The following ACAN variants were observed in gnomAD, a reference collection of about 807,000 sequenced individuals.
ACAN encodes the protein aggrecan core protein.
A neutral mutation model predicts 169.1 loss-of-function variants in ACAN; 47 were observed. That is an observed-to-expected ratio of 0.28 (90% CI 0.22 to 0.35). The LOEUF (loss-of-function observed/expected upper bound fraction) is 0.35, where lower values mean the gene tolerates loss of function less well. Ranked by LOEUF, ACAN falls within the 10% of genes least tolerant of loss-of-function variation. The pLI is 1.00. For synonymous variants in ACAN, 1,115 were observed against 1,112.2 expected (o/e 1.00, Z -0.05); for missense variants, 2,716 against 2,759.9 (o/e 0.98, Z 0.36).
rs768504322 is a variant in ACAN, at chr15:88,843,511, G to A, written c.914G>A (p.Arg305His). 2.8e-5 allele frequency: 45 copies of A among 1,612,286 alleles called. No homozygotes were observed. The highest frequency in any genetic ancestry group is 2.5e-4 in the East Asian group (11 of 44,868). Residue 305 changes from arginine to histidine, a missense_variant, in exon 6 of 19, where the codon CGC (arginine) becomes CAC (histidine). By Grantham distance (29) the Arg-to-His change is conservative. Transcript: ENST00000560601. The surrounding 1 kb of genome is among the most constrained non-coding windows in gnomAD (Gnocchi z 4.0). The stretch of plus-strand genomic sequence containing the variant: ...TGCAGCGCCGGCTGGCTGGCCGACC[G>A]CAGCGTGCGCTACCCCATCTCCAAG... The part of the protein sequence containing the change: ...DMCSAGWLAD[R>H]SVRYPISKAR...
At chr15:88,841,896 C>T (rs775230293) in intron 5 of ACAN, 29 bp downstream of exon 5, 15 of 1,612,130 alleles carry the variant, frequency 9.3e-6, no homozygotes, top group Non-Finnish European at 1.7e-6. Flanking sequence ...CAGGAGGCAC[C>T]CAGCTCCCTT....
At chr15:88,808,570 C>T (rs550204615) in intron 1 of ACAN, among the ~76,000 whole-genome samples, 3 of 152,296 alleles carry the variant, frequency 2.0e-5, no homozygotes, top group South Asian at 2.1e-4. Context: ...GCCCTCCTTC[C>T]CCGGGGAACA....
At position 88,866,168 on chromosome 15, in the gene ACAN, G is replaced by T. The variant is rs1897277668; in HGVS notation, c.6947-2048G>T. On this transcript the variant is annotated intron_variant, in intron 13 of 18. Coordinates refer to ENST00000560601, the MANE Select transcript of ACAN (RefSeq NM_001369268.1). This position sits in a 1 kb window ranked among gnomAD's most constrained non-coding sequence, Gnocchi z 5.6. ...ATGCGACCAGCCTCTGAGACAACTG[G>T]ATACCCCCCAGCCTGACCTCCGCTG... Among the ~76,000 whole-genome samples the T allele has an allele frequency of 6.6e-6, 1 of 152,100 alleles. No individual in the cohort carries two copies. The highest frequency in any genetic ancestry group is 1.5e-5 in the Non-Finnish European group (1 of 68,018).
chr15:88,864,607 A>G (rs1191376810), intron 13 of ACAN, among the ~76,000 whole-genome samples: 1 of 152,200 alleles, frequency 6.6e-6, no homozygotes, highest in African/African-American at 2.4e-5. Flanking sequence ...GCAAATTAGG[A>G]CTGGTGAATA....
intron 1 of ACAN, among the ~76,000 whole-genome samples, chr15:88,809,468 G>A (rs549131063): frequency 7.2e-5 from 11 of 152,324 alleles, no homozygotes; most frequent in African/African-American, 2.6e-4. Context: ...GGGGTGCCTT[G>A]AAGCCGATGC....
rs775273821 is a variant in ACAN at position 88,873,944 on chromosome 15, G to T, written c.7550G>T (p.Gly2517Val). 5 of 1,613,476 alleles carry T rather than the reference G, an allele frequency of 3.1e-6. No individual in the cohort carries two copies. The Admixed American group carries it at 5.0e-5, about 16-fold the overall frequency. ...NSLVRYQCTEGFVQRHMPTIR... is the reference protein window; with the variant it reads ...NSLVRYQCTEVFVQRHMPTIR... ...CTGGTGCGGTACCAGTGCACAGAGG[G>T]GTTTGTCCAGCGCCACATGCCCACC... Residue 2517 changes from glycine (G) to valine (V), a missense_variant, in exon 18 of 19, where the codon GGG (glycine) becomes GTG (valine). Gly to Val is a moderately radical substitution (Grantham distance 109). This residue lies in a region of ACAN where 1,389 missense variants were observed against 1,363.7 expected (regional missense o/e 1.02). Coordinates refer to ENST00000560601, the MANE Select transcript of ACAN (RefSeq NM_001369268.1). The surrounding 1 kb of genome is among the most constrained non-coding windows in gnomAD (Gnocchi z 7.5).
In ACAN at chr15:88,863,452, T is replaced by C. The variant is rs139311544; in HGVS notation, c.6946+3013T>C. 3.2e-4 allele frequency among the ~76,000 whole-genome samples: 49 copies of C among 152,330 alleles called. 1 individual carries two copies. In the East Asian group the frequency reaches 6.0e-3, roughly 19 times the overall value. On this transcript the variant is annotated intron_variant, in intron 13 of 18. Transcript: ENST00000560601. ...ATTGGTCTAAAGAGGAACTTCAGCATTGGTATTTTTAAAAAATCTTTAAAT... is the reference window on the plus strand; with the variant it reads ...ATTGGTCTAAAGAGGAACTTCAGCACTGGTATTTTTAAAAAATCTTTAAAT...
rs1278716086 is a variant in ACAN at position 88,849,349 on chromosome 15, G to C, written c.1733-89G>C. 1.5e-6 allele frequency: 2 copies of C among 1,313,992 alleles called. No individual in the cohort carries two copies. The highest frequency in any genetic ancestry group is 3.0e-5 in the African/African-American group (2 of 67,364). The allele number at this position is 1,313,992 out of a possible 1,614,324, so 81.4% of individuals were successfully genotyped here. ...GGCTGGGTCTTAGCCCTGGTGAGGAGGGTTAGAGGAACTCTGTCCTGGGTG... is the reference window on the plus strand; with the variant it reads ...GGCTGGGTCTTAGCCCTGGTGAGGACGGTTAGAGGAACTCTGTCCTGGGTG... On this transcript the variant is annotated intron_variant, in intron 9 of 18. Transcript: ENST00000560601. This position sits in a 1 kb window ranked among gnomAD's most constrained non-coding sequence, Gnocchi z 5.1.
Position 88,861,830 on chromosome 15 carries a change from C to T in ACAN, c.6946+1391C>T, listed in dbSNP as rs1018612346. On this transcript the variant is annotated intron_variant, in intron 13 of 18. Coordinates refer to ENST00000560601, the MANE Select transcript of ACAN (RefSeq NM_001369268.1). This position sits in a 1 kb window ranked among gnomAD's most constrained non-coding sequence, Gnocchi z 6.3. Reference sequence around the variant, plus strand: ...AAGCAAGGCTCATGTTCTTGGCAGCCCTGAAATTAATAGGAGTAAGTGTCA... The same window carrying T: ...AAGCAAGGCTCATGTTCTTGGCAGCTCTGAAATTAATAGGAGTAAGTGTCA... 6.6e-6 allele frequency among the ~76,000 whole-genome samples: 1 copy of T among 152,030 alleles called. No homozygotes were observed. Among genetic ancestry groups the T allele is most frequent in the African/African-American group, 2.4e-5 (1 of 41,382 alleles).
rs531396192 is a variant in ACAN at position 88,866,041 on chromosome 15, C to T, written c.6947-2175C>T. ...AAATTCTGAGCCCCGGAATTTGTTCCTTCAGTCCCCGCAGCCTTCTCAGAT... is the reference window on the plus strand; with the variant it reads ...AAATTCTGAGCCCCGGAATTTGTTCTTTCAGTCCCCGCAGCCTTCTCAGAT... On this transcript the variant is annotated intron_variant, in intron 13 of 18. Coordinates refer to ENST00000560601, the MANE Select transcript of ACAN (RefSeq NM_001369268.1). The surrounding 1 kb of genome is among the most constrained non-coding windows in gnomAD (Gnocchi z 5.6). 1.4e-4 allele frequency among the ~76,000 whole-genome samples: 22 copies of T among 152,240 alleles called. No individual in the cohort carries two copies. Among genetic ancestry groups the T allele is most frequent in the African/African-American group, 5.1e-4 (21 of 41,546 alleles).
Position 88,872,175 on chromosome 15 carries a change from G to A in ACAN, c.7302+90G>A. On this transcript the variant is annotated intron_variant, in intron 16 of 18. Transcript: ENST00000560601. This position sits in a 1 kb window ranked among gnomAD's most constrained non-coding sequence, Gnocchi z 5.4. ...GAGAGATGCATTCAAACCCCATGCA[G>A]ACAGCCGCTTACCAGCTGCTGGACC... is the stretch of plus-strand genomic sequence containing the variant. 2 of 1,134,488 alleles carry A rather than the reference G, an allele frequency of 1.8e-6. No individual in the cohort carries two copies. Among genetic ancestry groups the A allele is most frequent in the Non-Finnish European group, 2.6e-6 (2 of 755,706 alleles). The allele number at this position is 1,134,488 out of a possible 1,614,324, so 70.3% of individuals were successfully genotyped here.
intron 1 of ACAN, among the ~76,000 whole-genome samples, chr15:88,811,901 G>A (rs1457187134): frequency 6.6e-6 from 1 of 152,116 alleles, no homozygotes; most frequent in African/African-American, 2.4e-5. Flanking sequence ...CCAGCCAGGT[G>A]CTTTGTTCTC....
In ACAN at chr15:88,845,633, C is replaced by T. The variant is rs1436156457; in HGVS notation, c.1180C>T (p.Arg394Ter). The T allele has an allele frequency of 6.2e-7, 1 of 1,614,064 alleles. No individual in the cohort carries two copies. Among genetic ancestry groups the T allele is most frequent in the Non-Finnish European group, 8.5e-7 (1 of 1,179,906 alleles). Reference sequence around the variant, plus strand: ...TCGAAACATCACTGAGGGTGAAGCCCGAGGCAGCGTGATCCTTACCGTAAA... The same window carrying T: ...TCGAAACATCACTGAGGGTGAAGCCTGAGGCAGCGTGATCCTTACCGTAAA... ...LPRNITEGEA[R>*]GSVILTVKPI... Residue 394 changes from arginine to a stop codon, truncating the protein, a stop_gained, in exon 7 of 19, where the codon CGA (arginine) becomes TGA (stop). Transcript: ENST00000560601. LOFTEE classifies it high-confidence loss of function.
intron 6 of ACAN, among the ~76,000 whole-genome samples, chr15:88,844,265 A>T (rs575937515): frequency 1.2e-4 from 18 of 148,304 alleles, no homozygotes; most frequent in African/African-American, 4.2e-4. Context: ...CTCCCATGCA[A>T]CTGGGAATAC....
intron 9 of ACAN, among the ~76,000 whole-genome samples, chr15:88,848,646 T>G (rs1896854743): frequency 1.3e-5 from 2 of 152,238 alleles, no homozygotes; most frequent in South Asian, 4.1e-4. Context: ...AGACCTTTAT[T>G]TTGTTTTATT....
chr15:88,849,575 G>A lies in ACAN; in HGVS notation c.1870G>A (p.Ala624Thr), dbSNP rs1209512221. 2 of 1,608,006 alleles carry A rather than the reference G, an allele frequency of 1.2e-6. No individual in the cohort carries two copies. Among genetic ancestry groups the A allele is most frequent in the East Asian group, 2.2e-5 (1 of 44,586 alleles). The part of the protein sequence containing the change: ...AWSRGLDKCY[A>T]GWLADGSLRY... ...GAGCCGCGGCCTGGACAAGTGCTATGCCGGCTGGCTGGCCGACGGCAGCCT... is the reference window on the plus strand; with the variant it reads ...GAGCCGCGGCCTGGACAAGTGCTATACCGGCTGGCTGGCCGACGGCAGCCT... Residue 624 changes from alanine (A) to threonine (T), a missense_variant, in exon 10 of 19, where the codon GCC becomes ACC. Ala to Thr is a moderately conservative substitution (Grantham distance 58). Coordinates refer to ENST00000560601, the MANE Select transcript of ACAN (RefSeq NM_001369268.1). The surrounding 1 kb of genome is among the most constrained non-coding windows in gnomAD (Gnocchi z 5.1).
chr15:88,810,232 G>A (rs1225577173), intron 1 of ACAN, among the ~76,000 whole-genome samples: 4 of 152,050 alleles, frequency 2.6e-5, no homozygotes, highest in Non-Finnish European at 5.9e-5. Context: ...CAGCAATGCT[G>A]TGACATCCAA....
In ACAN at chr15:88,807,169, G is replaced by C. The variant is rs1389596201; in HGVS notation, c.-8+3360G>C. Among the ~76,000 whole-genome samples the C allele has an allele frequency of 2.6e-5, 4 of 152,138 alleles. No homozygotes were observed. Among genetic ancestry groups the C allele is most frequent in the Non-Finnish European group, 5.9e-5 (4 of 68,018 alleles). On this transcript the variant is annotated intron_variant, in intron 1 of 18. Transcript: ENST00000560601. The surrounding 1 kb of genome is among the most constrained non-coding windows in gnomAD (Gnocchi z 4.0). ...AGTGCTGGGGAGTCAAGGCAGCTGA[G>C]GTGGAAGCTGGAGTTGGGGAAAGGC...
In ACAN at chr15:88,843,325, C is replaced by T. The variant is rs1444842653; in HGVS notation, c.758-30C>T. The stretch of plus-strand genomic sequence containing the variant: ...CAGAGCAGGGGGAGGGGGGAGAAGA[C>T]CCTTACCCAGCTGGCTGTGTCCTTC... On this transcript the variant is annotated intron_variant, in intron 5 of 18. Coordinates refer to ENST00000560601, the MANE Select transcript of ACAN (RefSeq NM_001369268.1). The surrounding 1 kb of genome is among the most constrained non-coding windows in gnomAD (Gnocchi z 4.0). 1.3e-6 allele frequency: 2 copies of T among 1,541,244 alleles called. No homozygotes were observed. Among genetic ancestry groups the T allele is most frequent in the African/African-American group, 1.4e-5 (1 of 73,400 alleles).
Sources: gnomAD v4.1 joint callset for allele counts (sites outside exome capture counted in the v4.1 genomes callset) on GRCh38, gnomAD v4.1.1 for gene constraint, gnomAD v4.1.1 regional missense constraint, Gnocchi (gnomAD v3.1) non-coding constraint, MANE v1.5 for transcripts, NCBI Gene and HGNC (gene_info 2026-07-23, HGNC 2026-07-21) for gene names.